KLC4: variants seen among roughly 807,000 people sequenced by gnomAD.
KLC4 encodes the protein kinesin light chain 4.
A neutral mutation model predicts 77.2 loss-of-function variants in KLC4; 49 were observed. The observed-to-expected ratio is 0.63, with a 90% CI of 0.50 to 0.80. KLC4 has a LOEUF of 0.80. Ranked by LOEUF, KLC4 falls within the 30% of genes least tolerant of loss-of-function variation. The pLI, the probability that KLC4 is intolerant of heterozygous loss-of-function variation, is 0.00. For synonymous variants in KLC4, 274 were observed against 314.5 expected (o/e 0.87, Z 1.36); for missense variants, 669 against 793.5 (o/e 0.84, Z 1.89).
chr6:43,065,478 C>A, intron 3 of KLC4, 142 bp from the exon 4 acceptor site: 1 of 595,316 alleles, frequency 1.7e-6, no homozygotes, highest in East Asian at 2.8e-5. Context: ...GGGCCACTTG[C>A]TAGCCTTTCC....
Position 43,074,610 on chromosome 6 carries a change from T to G in KLC4, c.1810-12T>G. 6.2e-7 allele frequency: 1 copy of G among 1,613,796 alleles called. No individual in the cohort carries two copies. The highest frequency in any genetic ancestry group is 1.3e-5 in the African/African-American group (1 of 74,986). ...GGTCCCTGAGCTGATGGGGTAGTGT[T>G]GTCTGTTTCAGGTCTCCCGGGGCCT... On this transcript the variant is annotated splice_polypyrimidine_tract_variant and intron_variant, in intron 15 of 15. Coordinates refer to ENST00000347162, the MANE Select transcript of KLC4 (RefSeq NM_201521.3).
At position 43,071,858 on chromosome 6, in the gene KLC4, C is replaced by A. The variant is rs1192974608; in HGVS notation, c.1315C>A (p.His439Asn). The part of the protein sequence containing the change: ...EEREEMSKSR[H>N]HEGGTPYAEY... ...GCCTCTCTCTGTCCTGCAGAGCCGG[C>A]ACCATGAGGGTGGGACACCCTATGC... Residue 439 changes from histidine to asparagine, a missense_variant, in exon 11 of 16, where the codon CAC becomes AAC. Physicochemically the swap from His to Asn is moderately conservative, Grantham distance 68. Coordinates refer to ENST00000347162, the MANE Select transcript of KLC4 (RefSeq NM_201521.3). 1.2e-6 allele frequency: 2 copies of A among 1,612,130 alleles called. No individual in the cohort carries two copies. The highest frequency in any genetic ancestry group is 1.7e-6 in the Non-Finnish European group (2 of 1,179,636).
At chr6:43,060,314 C>T (rs777354448) in intron 1 of KLC4, 15 of 1,611,874 alleles carry the variant, frequency 9.3e-6, no homozygotes, top group Middle Eastern at 1.7e-4. Flanking sequence ...TCATTCCCTT[C>T]CTGGGAGACA....
chr6:43,071,511 C>T, intron 9 of KLC4, 56 bp from the exon 10 acceptor site: 1 of 1,593,336 alleles, frequency 6.3e-7, no homozygotes. Context: ...GGTCCTGGCT[C>T]TCCGACACTG....
intron 6 of KLC4, among the ~76,000 whole-genome samples, chr6:43,069,443 C>G (rs897411048): frequency 7.2e-5 from 11 of 152,072 alleles, no homozygotes; most frequent in African/African-American, 1.7e-4. Context: ...TGGGTTTTCA[C>G]CATGTTGGTC....
chr6:43,062,380 GA>G (rs1409989277), intron 2 of KLC4: 2 of 158,054 alleles, frequency 1.3e-5, no homozygotes, highest in South Asian at 3.7e-4. Flanking sequence ...GAGTAGCTGG[GA>G]CTACAGGCGC....
intron 5 of KLC4, 142 bp from the exon 6 acceptor site, chr6:43,066,854 C>T (rs1765457618): frequency 8.2e-7 from 1 of 1,224,698 alleles, no homozygotes; most frequent in African/African-American, 1.5e-5. Flanking sequence ...GTCAGTGAAG[C>T]CCCCTTACTG....
intron 1 of KLC4, chr6:43,061,035 A>G (rs1201251770): frequency 7.3e-6 from 3 of 408,744 alleles, no homozygotes; most frequent in African/African-American, 2.0e-5. Flanking sequence ...TTCTTTTCCT[A>G]AGTCCTAAAT....
chr6:43,065,252 C>T (rs6912491), intron 3 of KLC4: 40,680 of 170,406 alleles, frequency 0.24, 7,283 homozygotes, highest in African/African-American at 0.52. Flanking sequence ...TTTTGTATTT[C>T]TAGTAGAGAT....
At position 43,070,848 on chromosome 6, in the gene KLC4, C is replaced by T. The variant is rs766306345; in HGVS notation, c.1138C>T (p.Arg380Trp). The change falls in exon 8 of 16, where the codon CGG becomes TGG. Residue 380 changes from arginine to tryptophan, a missense_variant. Arg to Trp is a moderately radical substitution (Grantham distance 101). Transcript: ENST00000347162. ...GGGGCCGGACAACCCTAATGTAGCC[C>T]GGACCAAGAACAACCTGGTATGGGA... ...QLGPDNPNVA[R>W]TKNNLASCYL... 14 of 1,600,022 alleles carry T rather than the reference C, an allele frequency of 8.7e-6. No individual in the cohort carries two copies. Among genetic ancestry groups the T allele is most frequent in the South Asian group, 2.2e-5 (2 of 90,780 alleles).
chr6:43,067,048 A>G lies in KLC4; in HGVS notation c.844A>G (p.Ile282Val). The G allele has an allele frequency of 6.2e-7, 1 of 1,614,146 alleles. No homozygotes were observed. Among genetic ancestry groups the G allele is most frequent in the Non-Finnish European group, 8.5e-7 (1 of 1,180,012 alleles). The change falls in exon 6 of 16, where the codon ATC (isoleucine) becomes GTC (valine). Residue 282 changes from isoleucine (I) to valine (V), a missense_variant. Physicochemically the swap from Ile to Val is conservative, Grantham distance 29. Transcript: ENST00000347162. ...AAHLLNDALSIRESTLGPDHP... is the reference protein window; with the variant it reads ...AAHLLNDALSVRESTLGPDHP... Reference sequence around the variant, plus strand: ...CCACCTGCTGAATGATGCCCTTAGCATCCGGGAGAGCACCTTGGGACCTGA... The same window carrying G: ...CCACCTGCTGAATGATGCCCTTAGCGTCCGGGAGAGCACCTTGGGACCTGA...
rs771382349 is a variant in KLC4 at position 43,061,485 on chromosome 6, C to T, written c.150C>T (p.Thr50=). The change falls in exon 2 of 16, where the codon ACC becomes ACT. Residue 50 remains threonine, a synonymous_variant. Coordinates refer to ENST00000347162, the MANE Select transcript of KLC4 (RefSeq NM_201521.3). ...CCGTGCTGCAAAGCCTGTCCCAGAC[C>T]ATTGAGTGTCTGCAGCAGGGAGGCC... ...HQAVLQSLSQ[T]IECLQQGGHE... is the part of the protein sequence containing the mutation. The T allele has an allele frequency of 1.9e-6, 3 of 1,614,154 alleles. No homozygotes were observed. Among genetic ancestry groups the T allele is most frequent in the East Asian group, 2.2e-5 (1 of 44,886 alleles).
At chr6:43,069,691 C>T (rs1765626223) in intron 6 of KLC4, among the ~76,000 whole-genome samples, 1 of 152,054 alleles carries the variant, frequency 6.6e-6, no homozygotes, top group Non-Finnish European at 1.5e-5. Context: ...GCTGGGATTA[C>T]AGACATGCCA....
chr6:43,074,780 G>A lies in KLC4; in HGVS notation c.*108G>A. 2.2e-6 allele frequency: 2 copies of A among 916,182 alleles called. No homozygotes were observed. Among genetic ancestry groups the A allele is most frequent in the South Asian group, 1.3e-5 (1 of 74,528 alleles). 56.8% of individuals were successfully genotyped at this position (916,182 alleles called of 1,614,324 possible). A position where few individuals can be genotyped will look rare whatever the true frequency, so the allele number is the denominator to read the frequency against. On this transcript the variant is annotated 3_prime_UTR_variant, in exon 16 of 16. Coordinates refer to ENST00000347162, the MANE Select transcript of KLC4 (RefSeq NM_201521.3). Reference sequence around the variant, plus strand: ...CACCCCTAGGTGGGACAGTGAAGGGGAGCAGTTTAACCAGAAGATTGCTGC... The same window carrying A: ...CACCCCTAGGTGGGACAGTGAAGGGAAGCAGTTTAACCAGAAGATTGCTGC...
chr6:43,072,407 T>C (rs1765777980), intron 12 of KLC4, 152 bp downstream of exon 12: 5 of 634,162 alleles, frequency 7.9e-6, no homozygotes, highest in Non-Finnish European at 1.4e-5. Context: ...ATTGTGGTTG[T>C]TTTTAAGCAT....
chr6:43,074,387 A>G, intron 15 of KLC4: 2 of 556,862 alleles, frequency 3.6e-6, no homozygotes, highest in Non-Finnish European at 6.4e-6. Flanking sequence ...TCAACACACA[A>G]GTATATGCCA....
At position 43,070,615 on chromosome 6, in the gene KLC4, CCT is replaced by C. The variant is rs1582021476; in HGVS notation, c.982-76_982-75del. On this transcript the variant is annotated intron_variant, in intron 7 of 15. Transcript: ENST00000347162. ...TTCCTCTGCTTTCCACATGTGTGTG[CCT>C]ACATGCAAACACACGTGTGCTTGTG... 28 of 1,505,408 alleles carry C rather than the reference CCT, an allele frequency of 1.9e-5. No individual in the cohort carries two copies. In the East Asian group the frequency reaches 5.5e-4, roughly 29 times the overall value. The allele number at this position is 1,505,408 out of a possible 1,614,324, so 93.3% of individuals were successfully genotyped here.
chr6:43,073,932 C>T lies in KLC4; in HGVS notation c.1776C>T (p.Asn592=). 2 of 1,613,602 alleles carry T rather than the reference C, an allele frequency of 1.2e-6. No homozygotes were observed. The highest frequency in any genetic ancestry group is 1.7e-6 in the Non-Finnish European group (2 of 1,179,704). ...SSNMKRAASL[N]YLNQPSAAPL... ...ACATGAAGCGAGCAGCCTCCTTGAA[C>T]TATCTGAACCAACCTAGTGCAGCAC... Residue 592 remains asparagine (N), a synonymous_variant, in exon 15 of 16, where the codon AAC becomes AAT. Transcript: ENST00000347162.
chr6:43,065,857 C>G (rs867969634), intron 4 of KLC4, among the ~76,000 whole-genome samples, 156 bp downstream of exon 4: 1 of 152,222 alleles, frequency 6.6e-6, no homozygotes, highest in Non-Finnish European at 1.5e-5. Flanking sequence ...TCGATTTCCT[C>G]AGCCTCCCCA....
Sources: gnomAD v4.1 joint callset for allele counts (sites outside exome capture counted in the v4.1 genomes callset) on GRCh38, gnomAD v4.1.1 for gene constraint, MANE v1.5 for transcripts, NCBI Gene and HGNC (gene_info 2026-07-23, HGNC 2026-07-21) for gene names.